Variants in ZNF106 observed in about 807,000 individuals in gnomAD.
ZNF106 encodes the protein SH3-domain binding protein 3.
Under a neutral mutation model 195.1 loss-of-function variants are expected in ZNF106, and 67 were observed. The ratio of observed to expected loss-of-function variants is 0.34; its 90% CI spans 0.28 to 0.42. The LOEUF (loss-of-function observed/expected upper bound fraction) is 0.42, where lower values mean the gene tolerates loss of function less well. ZNF106 is among the 10% of genes least tolerant of loss of function. The probability of loss-of-function intolerance (pLI) is 1.00; values close to 1 mark genes in which losing one functional copy is unlikely to be tolerated. For synonymous variants in ZNF106, 784 were observed against 818.6 expected (o/e 0.96, Z 0.72); for missense variants, 2,118 against 2,304.5 (o/e 0.92, Z 1.66).
At chr15:42,485,929 T>C (rs1469442038) in intron 1 of ZNF106, among the ~76,000 whole-genome samples, 1 of 151,996 alleles carries the variant, frequency 6.6e-6, no homozygotes, top group African/African-American at 2.4e-5. Context: ...TTGCCAAAAA[T>C]TAGGCAAATA....
chr15:42,461,357 CAAT>C (rs1168258188), intron 3 of ZNF106, among the ~76,000 whole-genome samples: 5 of 152,306 alleles, frequency 3.3e-5, no homozygotes, highest in Admixed American at 1.3e-4. Context: ...CTAGCAAAGG[CAAT>C]AATTTTCCTT....
At chr15:42,477,383 ATTG>A (rs1442329419) in intron 1 of ZNF106, among the ~76,000 whole-genome samples, 1 of 152,142 alleles carries the variant, frequency 6.6e-6, no homozygotes, top group Non-Finnish European at 1.5e-5. Flanking sequence ...TTATTTTAGA[ATTG>A]TTTTAGATTT....
rs929814200 is a variant in ZNF106, at chr15:42,450,392, A to G, written c.1880T>C (p.Ile627Thr). Reference protein sequence around the residue: ...TSDTEKHGTKIGTLGSATTEL... With the variant: ...TSDTEKHGTKTGTLGSATTEL... ...TGTAGTTGCAGAACCTAGGGTTCCAATTTTTGTTCCATGCTTTTCCGTGTC... is the reference window on the plus strand; with the variant it reads ...TGTAGTTGCAGAACCTAGGGTTCCAGTTTTTGTTCCATGCTTTTCCGTGTC... Residue 627 changes from isoleucine (I) to threonine (T), a missense_variant, in exon 5 of 22, where the codon ATT (isoleucine) becomes ACT (threonine). Transcript: ENST00000564754. The G allele has an allele frequency of 1.9e-6, 3 of 1,614,030 alleles. No individual in the cohort carries two copies. Among genetic ancestry groups the G allele is most frequent in the African/African-American group, 2.7e-5 (2 of 74,908 alleles).
chr15:42,475,149 T>C (rs539793707), intron 1 of ZNF106, among the ~76,000 whole-genome samples: 130 of 152,308 alleles, frequency 8.5e-4, no homozygotes, highest in African/African-American at 3.1e-3. Flanking sequence ...GCCTAAATAA[T>C]TTTATTCAAT....
Position 42,446,582 on chromosome 15 carries a change from A to C in ZNF106, c.3205+7T>G. ...ACTTCTTTCTTCCAAAATATTCTGC[A>C]CCATACCTTTTTTTCCTTTAATTTT... On this transcript the variant is annotated splice_region_variant and intron_variant, in intron 7 of 21. Transcript: ENST00000564754. 6.3e-7 allele frequency: 1 copy of C among 1,585,800 alleles called. No individual in the cohort carries two copies. The highest frequency in any genetic ancestry group is 8.6e-7 in the Non-Finnish European group (1 of 1,162,694).
Position 42,448,397 on chromosome 15 carries a change from ACTT to A in ZNF106, c.2807_2809del (p.Glu936del), listed in dbSNP as rs1197941596. The A allele has an allele frequency of 6.8e-6, 11 of 1,614,030 alleles. No homozygotes were observed. Among genetic ancestry groups the A allele is most frequent in the Non-Finnish European group, 8.5e-6 (10 of 1,180,044 alleles). On this transcript the variant is annotated inframe_deletion, in exon 6 of 22. Transcript: ENST00000564754. ...TCGGAGGGAGGCAGCCCGAGGTGTC[ACTT>A]CTTGTTTGAGGTGCATGGTTGCTTT...
chr15:42,490,408 G>T (rs1242211499), intron 1 of ZNF106: 1 of 152,108 alleles, frequency 6.6e-6, no homozygotes, highest in African/African-American at 2.4e-5. Flanking sequence ...TACTCTCAAA[G>T]ATGATTACAC....
chr15:42,433,226 C>G (rs1478929657), intron 14 of ZNF106, among the ~76,000 whole-genome samples: 2 of 151,984 alleles, frequency 1.3e-5, no homozygotes, highest in Non-Finnish European at 2.9e-5. Flanking sequence ...CTGCCTCAGC[C>G]TCCCGAGTAG....
chr15:42,433,296 G>A lies in ZNF106; in HGVS notation c.4881+2088C>T, dbSNP rs185615070. 6.7e-3 allele frequency among the ~76,000 whole-genome samples: 1,021 copies of A among 151,742 alleles called. 9 individuals are homozygous for A. Among genetic ancestry groups the A allele is most frequent in the African/African-American group, 0.023 (950 of 41,382 alleles). The stretch of plus-strand genomic sequence containing the variant: ...AATTTTTCGTATTTTTAGTAGAGAC[G>A]GGGTTTCACCGTGTTAGCCAGGGTG... On this transcript the variant is annotated intron_variant, in intron 14 of 21. Transcript: ENST00000564754.
intron 14 of ZNF106, among the ~76,000 whole-genome samples, chr15:42,433,682 C>T (rs1460782975): frequency 6.6e-6 from 1 of 151,618 alleles, no homozygotes; most frequent in Non-Finnish European, 1.5e-5. Flanking sequence ...AGGGTTTCAC[C>T]AGGTTGGCCA....
At chr15:42,428,964 A>G (rs1018004980) in intron 14 of ZNF106, among the ~76,000 whole-genome samples, 2 of 151,036 alleles carry the variant, frequency 1.3e-5, no homozygotes, top group South Asian at 2.1e-4. Flanking sequence ...ACGGGGTTTC[A>G]TCGTATTAGC....
At position 42,418,532 on chromosome 15, in the gene ZNF106, A is replaced by ATTTTTTTTT. The variant is rs1162999546; in HGVS notation, c.5518-590_5518-582dup. ...AGGCGTGCACCACCACGGCCAGTTA[A>ATTTTTTTTT]TTTTTTTTTTTTTTTTTTTTTTTTT... On this transcript the variant is annotated intron_variant, in intron 20 of 21. Transcript: ENST00000564754. 1.7e-3 allele frequency among the ~76,000 whole-genome samples: 161 copies of ATTTTTTTTT among 96,242 alleles called. 14 individuals carry two copies. Among genetic ancestry groups the ATTTTTTTTT allele is most frequent in the African/African-American group, 4.9e-3 (114 of 23,452 alleles). 63.1% of individuals were successfully genotyped at this position (96,242 alleles called of 152,430 possible).
chr15:42,464,522 C>CTTTT (rs928173954), intron 3 of ZNF106, among the ~76,000 whole-genome samples: 11 of 113,478 alleles, frequency 9.7e-5, no homozygotes, highest in South Asian at 2.9e-4. Flanking sequence ...ACACATGCTA[C>CTTTT]TTTTTTTTTT....
chr15:42,473,837 T>G (rs2056730189), intron 1 of ZNF106, among the ~76,000 whole-genome samples: 1 of 152,168 alleles, frequency 6.6e-6, no homozygotes, highest in East Asian at 1.9e-4. Flanking sequence ...ACTATTTTGA[T>G]CAATAAAATG....
intron 20 of ZNF106, 104 bp downstream of exon 20, chr15:42,420,957 C>G: frequency 1.9e-6 from 2 of 1,079,870 alleles, no homozygotes; most frequent in Non-Finnish European, 2.8e-6. Flanking sequence ...AAAGTAGATG[C>G]TAAAATATAA....
rs1285596458 is a variant in ZNF106 at position 42,444,903 on chromosome 15, T to C, written c.3284A>G (p.Asn1095Ser). Residue 1095 changes from asparagine to serine, a missense_variant, in exon 8 of 22, where the codon AAC becomes AGC. Asn to Ser is a conservative substitution (Grantham distance 46, BLOSUM62 1). Coordinates refer to ENST00000564754, the MANE Select transcript of ZNF106 (RefSeq NM_001366845.3). ...ELSKSLQCMD[N>S]NLLQARAALQ... ...GGCTGCACGGGCTTGCAGAAGATTGTTATCCATGCACTGCAATGACTTACT... is the reference window on the plus strand; with the variant it reads ...GGCTGCACGGGCTTGCAGAAGATTGCTATCCATGCACTGCAATGACTTACT... 3 of 1,614,208 alleles carry C rather than the reference T, an allele frequency of 1.9e-6. No homozygotes were observed. The highest frequency in any genetic ancestry group is 1.6e-4 in the Middle Eastern group (1 of 6,062).
chr15:42,450,058 G>A lies in ZNF106; in HGVS notation c.2214C>T (p.Leu738=), dbSNP rs184654756. 2.0e-4 allele frequency: 317 copies of A among 1,614,200 alleles called. No individual in the cohort carries two copies. The East Asian group carries it at 6.8e-3, about 35-fold the overall frequency. The change falls in exon 5 of 22, where the codon CTC becomes CTT. Residue 738 remains leucine (L), a synonymous_variant. Coordinates refer to ENST00000564754, the MANE Select transcript of ZNF106 (RefSeq NM_001366845.3). ...KSDISQPSGP[L]LPELSKLGFP... ...AGCCAAGCTTACTTAGTTCAGGCAG[G>A]AGAGGGCCCGAGGGCTGACTGATGT...
chr15:42,466,607 A>T (rs1353309602), intron 2 of ZNF106, among the ~76,000 whole-genome samples: 1 of 152,248 alleles, frequency 6.6e-6, no homozygotes, highest in Non-Finnish European at 1.5e-5. Flanking sequence ...ATAGATGGAT[A>T]CATCAATTCT....
In ZNF106 at chr15:42,432,954, T is replaced by C. The variant is rs541732877; in HGVS notation, c.4881+2430A>G. ...TACTTTTGTATCCAGCCAATTTCTG[T>C]CTTTTGATTTTAGTGTCAGTTCACT... On this transcript the variant is annotated intron_variant, in intron 14 of 21. Coordinates refer to ENST00000564754, the MANE Select transcript of ZNF106 (RefSeq NM_001366845.3). 6.6e-5 allele frequency among the ~76,000 whole-genome samples: 10 copies of C among 152,226 alleles called. No individual in the cohort carries two copies. In the South Asian group the frequency reaches 1.2e-3, roughly 19 times the overall value.
Sources: gnomAD v4.1 joint callset for allele counts (sites outside exome capture counted in the v4.1 genomes callset) on GRCh38, gnomAD v4.1.1 for gene constraint, MANE v1.5 for transcripts, NCBI Gene and HGNC (gene_info 2026-07-23, HGNC 2026-07-21) for gene names.